ITCH: variants seen among roughly 807,000 people sequenced by gnomAD.
ITCH encodes the protein itchy E3 ubiquitin protein ligase, also known as E3 ubiquitin-protein ligase Itchy homolog.
In ITCH, 28 loss-of-function variants were observed where a neutral mutation model predicts 126.8. That is an observed-to-expected ratio of 0.22 (90% confidence interval 0.16 to 0.30). ITCH has a LOEUF of 0.30. ITCH is among the 10% of genes least tolerant of loss of function. The pLI, the probability that ITCH is intolerant of heterozygous loss-of-function variation, is 1.00. For synonymous variants in ITCH, 342 were observed against 340.0 expected, an observed-to-expected ratio of 1.01 and a Z score of -0.06; for missense variants, 631 against 1,032.4, an observed-to-expected ratio of 0.61 and a Z score of 5.33.
intron 16 of ITCH, among the ~76,000 whole-genome samples, chr20:34,474,599 A>G (rs1207926146): frequency 2.0e-5 from 3 of 152,218 alleles, no homozygotes; most frequent in East Asian, 1.9e-4. Context: ...CGATTTCTCA[A>G]TCCTTTACCC....
chr20:34,450,288 CAAAAT>C (rs1373648331), intron 12 of ITCH, among the ~76,000 whole-genome samples: 1 of 151,998 alleles, frequency 6.6e-6, no homozygotes, highest in African/African-American at 2.4e-5. Context: ...ATAATTAATT[CAAAAT>C]AAAAAGCTTT....
chr20:34,497,384 A>G (rs186915235), intron 23 of ITCH, among the ~76,000 whole-genome samples: 31 of 152,176 alleles, frequency 2.0e-4, no homozygotes, highest in African/African-American at 6.5e-4. Flanking sequence ...CCACTGGTCT[A>G]TGTGTCTGCT....
intron 16 of ITCH, among the ~76,000 whole-genome samples, chr20:34,474,721 C>G (rs1281438045): frequency 2.6e-5 from 4 of 152,258 alleles, no homozygotes; most frequent in Middle Eastern, 3.4e-3. Context: ...AGGGGCTCCT[C>G]ACTTCCCAGT....
At chr20:34,492,070 C>T (rs1051815583) in intron 22 of ITCH, among the ~76,000 whole-genome samples, 3 of 152,122 alleles carry the variant, frequency 2.0e-5, no homozygotes, top group East Asian at 3.8e-4. Flanking sequence ...TGCGTGAGTA[C>T]GGAGCTCTTG....
rs1485725427 is a variant in ITCH at position 34,511,677 on chromosome 20, G to A, written c.*3883G>A. 6.6e-6 allele frequency among the ~76,000 whole-genome samples: 1 copy of A among 152,192 alleles called. No individual in the cohort carries two copies. The highest frequency in any genetic ancestry group is 1.5e-5 in the Non-Finnish European group (1 of 68,028). On this transcript the variant is annotated 3_prime_UTR_variant, in exon 25 of 25. Coordinates refer to ENST00000374864, the MANE Select transcript of ITCH (RefSeq NM_031483.7). ...GGAGAAAGCCTGGAAATGATCCCAA[G>A]ACCAACTCAAAACTACAAAGTTTTC...
At chr20:34,428,930 G>T (rs1981918022) in intron 7 of ITCH, among the ~76,000 whole-genome samples, 1 of 152,020 alleles carries the variant, frequency 6.6e-6, no homozygotes, top group Non-Finnish European at 1.5e-5. Flanking sequence ...GCAGCTAATT[G>T]CTTTTCTTTT....
chr20:34,505,658 T>A (rs901074715), intron 24 of ITCH, among the ~76,000 whole-genome samples: 3 of 151,780 alleles, frequency 2.0e-5, no homozygotes, highest in Admixed American at 2.0e-4. Context: ...GTTCAAGTGA[T>A]TCTCCTGCCT....
At chr20:34,364,016 C>G (rs990478064) in intron 1 of ITCH, among the ~76,000 whole-genome samples, 1 of 152,118 alleles carries the variant, frequency 6.6e-6, no homozygotes, top group Non-Finnish European at 1.5e-5. Context: ...TTTTCTTTAG[C>G]AGAGAAAAGA....
intron 23 of ITCH, among the ~76,000 whole-genome samples, chr20:34,496,577 G>A (rs1378082949): frequency 2.6e-5 from 4 of 151,972 alleles, no homozygotes; most frequent in Non-Finnish European, 4.4e-5. Flanking sequence ...AGGCCGAGAC[G>A]GGTGGATCAC....
intron 16 of ITCH, among the ~76,000 whole-genome samples, chr20:34,473,316 T>A (rs1041541190): frequency 1.1e-4 from 17 of 152,176 alleles, no homozygotes; most frequent in African/African-American, 3.9e-4. Context: ...AATTTTTTTT[T>A]AACTTTTATG....
chr20:34,509,760 A>G lies in ITCH; in HGVS notation c.*1966A>G, dbSNP rs1316913856. 1 of 152,682 alleles carries G rather than the reference A, an allele frequency of 6.5e-6. No homozygotes were observed. The highest frequency in any genetic ancestry group is 2.4e-5 in the African/African-American group (1 of 41,464). The allele number at this position is 152,682 out of a possible 1,614,324, so 9.5% of individuals were successfully genotyped here. A position where few individuals can be genotyped will look rare whatever the true frequency, so the allele number is the denominator to read the frequency against. ...AATGTCTGCCAACTACCCGTTCATT[A>G]TATAAGTCTGAACTTGGTAATATAT... is the stretch of plus-strand genomic sequence containing the variant. On this transcript the variant is annotated 3_prime_UTR_variant, in exon 25 of 25. Coordinates refer to ENST00000374864, the MANE Select transcript of ITCH (RefSeq NM_031483.7).
intron 7 of ITCH, among the ~76,000 whole-genome samples, chr20:34,433,285 C>T (rs980262600): frequency 2.6e-5 from 4 of 152,138 alleles, no homozygotes; most frequent in African/African-American, 4.8e-5. Context: ...AGCGAGACTT[C>T]GTCTCAAAAA....
intron 24 of ITCH, among the ~76,000 whole-genome samples, chr20:34,504,614 TC>T (rs141954217): frequency 0.45 from 68,678 of 151,814 alleles, 16,001 homozygotes; most frequent in Non-Finnish European, 0.5. Flanking sequence ...GAATTTTTTT[TC>T]TAATGTGGGA....
intron 2 of ITCH, among the ~76,000 whole-genome samples, chr20:34,374,872 TG>T (rs1170508252): frequency 6.6e-6 from 1 of 151,944 alleles, no homozygotes; most frequent in Non-Finnish European, 1.5e-5. Flanking sequence ...CCCAAGTAGC[TG>T]GAATTACAGG....
At chr20:34,373,248 C>T (rs1433420793) in intron 2 of ITCH, among the ~76,000 whole-genome samples, 1 of 151,556 alleles carries the variant, frequency 6.6e-6, no homozygotes, top group Admixed American at 6.6e-5. Context: ...TTCTGGATTA[C>T]AGGCATAAGC....
intron 6 of ITCH, among the ~76,000 whole-genome samples, chr20:34,416,001 A>G (rs1325466860): frequency 6.6e-6 from 1 of 152,010 alleles, no homozygotes; most frequent in Non-Finnish European, 1.5e-5. Context: ...GAGCACCCGT[A>G]AGCCCAGCTG....
At chr20:34,401,643 A>G in intron 3 of ITCH, 9 of 982,636 alleles carry the variant, frequency 9.2e-6, no homozygotes, top group Non-Finnish European at 1.1e-5. Context: ...TTTCTCAACT[A>G]GACCTAGGAA....
chr20:34,471,676 GTGTGTGT>G (rs1987636182), intron 16 of ITCH, among the ~76,000 whole-genome samples, 161 bp downstream of exon 16: 1 of 36,446 alleles, frequency 2.7e-5, no homozygotes, highest in African/African-American at 1.0e-4. Flanking sequence ...CTTAAGGGGT[GTGTGTGT>G]GTGTGTGTGT....
At chr20:34,385,424 C>T (rs2038247265) in intron 2 of ITCH, among the ~76,000 whole-genome samples, 1 of 151,912 alleles carries the variant, frequency 6.6e-6, no homozygotes, top group African/African-American at 2.4e-5. Context: ...TGTATAATTT[C>T]ACACAAGCAT....
Sources: allele counts gnomAD v4.1 joint callset (sites outside exome capture counted in the v4.1 genomes callset), GRCh38; gene constraint gnomAD v4.1.1; transcripts MANE v1.5; gene names NCBI Gene and HGNC (gene_info 2026-07-23, HGNC 2026-07-21).